LTBP2: variants seen among roughly 807,000 people sequenced by gnomAD.
The protein encoded by LTBP2 is latent-transforming growth factor beta-binding protein 2.
A neutral mutation model predicts 210.6 loss-of-function variants in LTBP2; 103 were observed. That is an observed-to-expected ratio of 0.49 (90% CI 0.42 to 0.58). The LOEUF (loss-of-function observed/expected upper bound fraction) is 0.58, where lower values mean the gene tolerates loss of function less well. LTBP2 is among the 20% of genes least tolerant of loss of function. The probability of loss-of-function intolerance (pLI) is 0.00; values close to 1 mark genes in which losing one functional copy is unlikely to be tolerated. For synonymous variants in LTBP2, 1,007 were observed against 1,015.0 expected, an observed-to-expected ratio of 0.99 and a Z score of 0.15; for missense variants, 2,313 against 2,494.5, an observed-to-expected ratio of 0.93 and a Z score of 1.55.
rs377764661 is a variant in LTBP2, at chr14:74,541,478, A to C, written c.1790-5478T>G. 6.1e-4 allele frequency among the ~76,000 whole-genome samples: 93 copies of C among 152,284 alleles called. 3 individuals carry two copies. In the East Asian group the frequency reaches 0.012, roughly 19 times the overall value. On this transcript the variant is annotated intron_variant, in intron 8 of 35. Transcript: ENST00000261978. ...TATTATTCCCATTTTATGGATGAGC[A>C]AATTGAGGTTCATCCATAAAATGGA... is the stretch of plus-strand genomic sequence containing the variant.
intron 4 of LTBP2, among the ~76,000 whole-genome samples, chr14:74,554,813 G>T (rs1047441095): frequency 6.6e-6 from 1 of 152,080 alleles, no homozygotes; most frequent in Non-Finnish European, 1.5e-5. Flanking sequence ...TATGTTATGT[G>T]AATTCCACTT....
intron 8 of LTBP2, among the ~76,000 whole-genome samples, chr14:74,541,552 G>A (rs1016193488): frequency 6.6e-6 from 1 of 152,070 alleles, no homozygotes; most frequent in Non-Finnish European, 1.5e-5. Context: ...GACAGAGCTG[G>A]GATTATGAAC....
Position 74,510,081 on chromosome 14 carries a change from A to G in LTBP2, c.3151+10T>C. 1.2e-6 allele frequency: 2 copies of G among 1,614,036 alleles called. No homozygotes were observed. The highest frequency in any genetic ancestry group is 1.7e-6 in the Non-Finnish European group (2 of 1,180,006). On this transcript the variant is annotated intron_variant, in intron 20 of 35. Coordinates refer to ENST00000261978, the MANE Select transcript of LTBP2 (RefSeq NM_000428.3). The stretch of plus-strand genomic sequence containing the variant: ...GCCTGCGGAGAAGGGGCGCTTCAGC[A>G]TCTCTGTACCTTGGCAGCCCTTCTC...
intron 9 of LTBP2, among the ~76,000 whole-genome samples, chr14:74,535,329 C>T (rs1169365427): frequency 6.6e-6 from 1 of 152,186 alleles, no homozygotes; most frequent in East Asian, 1.9e-4. Context: ...GCAAACCATA[C>T]AGACAACTGT....
chr14:74,521,582 G>C (rs978808248), intron 17 of LTBP2, among the ~76,000 whole-genome samples: 1 of 152,170 alleles, frequency 6.6e-6, no homozygotes, highest in African/African-American at 2.4e-5. Flanking sequence ...CATGAAACCA[G>C]CTCCTTGTCA....
chr14:74,530,202 G>A (rs981881365), intron 10 of LTBP2, among the ~76,000 whole-genome samples: 3 of 152,226 alleles, frequency 2.0e-5, no homozygotes, highest in Middle Eastern at 3.2e-3. Context: ...GGAGGCTGAC[G>A]CCTTTCTGGC....
chr14:74,506,158 C>T lies in LTBP2; in HGVS notation c.4067G>A (p.Cys1356Tyr), dbSNP rs778353798. 1 of 1,614,254 alleles carries T rather than the reference C, an allele frequency of 6.2e-7. No homozygotes were observed. The highest frequency in any genetic ancestry group is 1.1e-5 in the South Asian group (1 of 91,090). Residue 1356 changes from cysteine to tyrosine, a missense_variant, in exon 28 of 36, where the codon TGT (cysteine) becomes TAT (tyrosine). Cys to Tyr is a radical substitution (Grantham distance 194, BLOSUM62 -2). Transcript: ENST00000261978. ...VNECELMLAVCGAALCENVEG... is the reference protein window; with the variant it reads ...VNECELMLAVYGAALCENVEG... Reference sequence around the variant, plus strand: ...CACGTTCTCACAGAGCGCGGCCCCACATACCGCCAGCATAAGCTCACACTC... The same window carrying T: ...CACGTTCTCACAGAGCGCGGCCCCATATACCGCCAGCATAAGCTCACACTC...
chr14:74,545,539 T>C (rs1177021919), intron 8 of LTBP2, among the ~76,000 whole-genome samples: 2 of 152,176 alleles, frequency 1.3e-5, no homozygotes, highest in African/African-American at 4.8e-5. Flanking sequence ...GGCAAACAGC[T>C]GGAGCCCACC....
intron 3 of LTBP2, among the ~76,000 whole-genome samples, chr14:74,577,681 G>C (rs1365605203): frequency 6.6e-6 from 1 of 151,760 alleles, no homozygotes; most frequent in Admixed American, 6.6e-5. Context: ...GCTAATTTTT[G>C]TATCTTTAGT....
rs1273987376 is a variant in LTBP2 at position 74,604,164 on chromosome 14, C to CAAACAAAAAAAAAAAAAAAAAAAAAA, written c.495-460_495-459insTTTTTTTTTTTTTTTTTTTTTTGTTT. On this transcript the variant is annotated intron_variant, in intron 1 of 35. Coordinates refer to ENST00000261978, the MANE Select transcript of LTBP2 (RefSeq NM_000428.3). ...GCTCCAACTCTACATTGCCTCTCAC[C>CAAACAAAAAAAAAAAAAAAAAAAAAA]AAAAAAAAAAAAAAAAAAAACCACA... Among the ~76,000 whole-genome samples the CAAACAAAAAAAAAAAAAAAAAAAAAA allele has an allele frequency of 2.1e-4, 15 of 72,734 alleles. 1 individual carries two copies. Among genetic ancestry groups the CAAACAAAAAAAAAAAAAAAAAAAAAA allele is most frequent in the African/African-American group, 1.0e-3 (14 of 13,434 alleles). The allele number at this position is 72,734 out of a possible 152,430, so 47.7% of individuals were successfully genotyped here. A position where few individuals can be genotyped will look rare whatever the true frequency, so the allele number is the denominator to read the frequency against.
At chr14:74,583,029 G>T (rs2088158033) in intron 3 of LTBP2, among the ~76,000 whole-genome samples, 1 of 152,158 alleles carries the variant, frequency 6.6e-6, no homozygotes, top group African/African-American at 2.4e-5. Flanking sequence ...GAGTCTCCAG[G>T]CCCCTCCAGT....
At chr14:74,526,033 C>A in intron 14 of LTBP2, 42 bp downstream of exon 14, 1 of 1,573,312 alleles carries the variant, frequency 6.4e-7, no homozygotes, top group East Asian at 2.3e-5. Context: ...CTCTTTCCCT[C>A]CCTTCTCTTT....
At chr14:74,537,454 T>G (rs982182222) in intron 8 of LTBP2, among the ~76,000 whole-genome samples, 1 of 152,220 alleles carries the variant, frequency 6.6e-6, no homozygotes, top group African/African-American at 2.4e-5. Flanking sequence ...AAATATACCA[T>G]GATATTTCAA....
intron 8 of LTBP2, among the ~76,000 whole-genome samples, chr14:74,548,581 G>A (rs2087607723): frequency 6.6e-6 from 1 of 152,206 alleles, no homozygotes; most frequent in South Asian, 2.1e-4. Context: ...AACAAGGAAA[G>A]AAGAAAAGTG....
chr14:74,503,631 C>T (rs2086944667), intron 31 of LTBP2, 25 bp from the exon 32 acceptor site: 1 of 1,612,252 alleles, frequency 6.2e-7, no homozygotes. Context: ...AAGGGTGGGG[C>T]ATTGCCAAGG....
At chr14:74,562,340 G>A (rs1288934433) in intron 3 of LTBP2, among the ~76,000 whole-genome samples, 8 of 152,244 alleles carry the variant, frequency 5.3e-5, no homozygotes, top group Admixed American at 3.9e-4. Flanking sequence ...GGAGAGGGGG[G>A]AAGGGAAATC....
At chr14:74,527,464 C>T (rs2087288816) in intron 12 of LTBP2, 98 bp from the exon 13 acceptor site, 1 of 1,306,112 alleles carries the variant, frequency 7.7e-7, no homozygotes, top group Non-Finnish European at 1.1e-6. Flanking sequence ...GCGCCCCAGA[C>T]CACATCCCCA....
chr14:74,576,022 A>C (rs1049308423), intron 3 of LTBP2, among the ~76,000 whole-genome samples: 2 of 152,110 alleles, frequency 1.3e-5, no homozygotes, highest in African/African-American at 4.8e-5. Context: ...CAGCTGCCAC[A>C]ACCCCCTGTC....
At chr14:74,582,141 G>A (rs1478280732) in intron 3 of LTBP2, among the ~76,000 whole-genome samples, 1 of 151,304 alleles carries the variant, frequency 6.6e-6, no homozygotes, top group Non-Finnish European at 1.5e-5. Context: ...TCAAGCCTGT[G>A]TAGGATGTCT....
Sources: allele counts gnomAD v4.1 joint callset (sites outside exome capture counted in the v4.1 genomes callset), GRCh38; gene constraint gnomAD v4.1.1; transcripts MANE v1.5; gene names NCBI Gene and HGNC (gene_info 2026-07-23, HGNC 2026-07-21).